Variants in PTPRG observed in about 807,000 individuals in gnomAD.
The protein encoded by PTPRG is receptor-type tyrosine-protein phosphatase gamma.
Under a neutral mutation model 165.3 loss-of-function variants are expected in PTPRG, and 102 were observed. The ratio of observed to expected loss-of-function variants is 0.62; its 90% CI spans 0.53 to 0.73. The LOEUF (loss-of-function observed/expected upper bound fraction) is 0.73. PTPRG is among the 30% of genes least tolerant of loss of function. PTPRG has a pLI of 0.00. For synonymous variants in PTPRG, 675 were observed against 669.5 expected (o/e 1.01, Z -0.13); for missense variants, 1,866 against 1,861.4 (o/e 1.00, Z -0.05).
At chr3:61,925,427 G>T (rs920328063) in intron 2 of PTPRG, among the ~76,000 whole-genome samples, 1 of 152,166 alleles carries the variant, frequency 6.6e-6, no homozygotes, top group Non-Finnish European at 1.5e-5. Context: ...ATCACCGGAA[G>T]CCCAGCAAAC....
chr3:62,038,135 A>C (rs1434646123), intron 4 of PTPRG, among the ~76,000 whole-genome samples: 2 of 152,210 alleles, frequency 1.3e-5, no homozygotes, highest in Non-Finnish European at 2.9e-5. Context: ...CTGACCTACT[A>C]AATAGGGATA....
chr3:61,667,785 T>C (rs1250386353), intron 1 of PTPRG, among the ~76,000 whole-genome samples: 2 of 146,420 alleles, frequency 1.4e-5, no homozygotes, highest in East Asian at 4.0e-4. Context: ...TAAACAAAAT[T>C]TTTTTAATTA....
At chr3:61,967,883 A>T (rs2107653777) in intron 2 of PTPRG, among the ~76,000 whole-genome samples, 1 of 152,352 alleles carries the variant, frequency 6.6e-6, no homozygotes, top group African/African-American at 2.4e-5. Context: ...GTGTATACAC[A>T]ACTGACTTCT....
At chr3:62,132,770 T>A in intron 6 of PTPRG, 102 bp downstream of exon 6, 1 of 1,045,610 alleles carries the variant, frequency 9.6e-7, no homozygotes, top group South Asian at 1.3e-5. Context: ...GTGACACCTA[T>A]TCCTCATCCC....
At chr3:61,843,350 T>G (rs1002302988) in intron 2 of PTPRG, among the ~76,000 whole-genome samples, 3 of 152,134 alleles carry the variant, frequency 2.0e-5, no homozygotes, top group Non-Finnish European at 2.9e-5. Context: ...ATATTGTATA[T>G]ATACACACAC....
chr3:61,675,557 A>C (rs1181429954), intron 1 of PTPRG, among the ~76,000 whole-genome samples: 1 of 152,068 alleles, frequency 6.6e-6, no homozygotes, highest in African/African-American at 2.4e-5. Context: ...TTTTCCCCCT[A>C]TTATGTATGT....
intron 2 of PTPRG, among the ~76,000 whole-genome samples, chr3:61,762,170 A>AGT: frequency 6.6e-6 from 1 of 152,008 alleles, no homozygotes. Context: ...CCTCTTGGGG[A>AGT]GTGATTTTGA....
intron 5 of PTPRG, among the ~76,000 whole-genome samples, chr3:62,088,007 G>T (rs140227813): frequency 2.6e-5 from 4 of 152,170 alleles, no homozygotes; most frequent in African/African-American, 9.7e-5. Flanking sequence ...AATAAATGCT[G>T]TGGTTATGTA....
intron 2 of PTPRG, among the ~76,000 whole-genome samples, chr3:61,816,940 C>A (rs2035780240): frequency 7.0e-6 from 1 of 142,952 alleles, no homozygotes; most frequent in Non-Finnish European, 1.5e-5. Flanking sequence ...TGCTATGAAG[C>A]TTTTTGGTAG....
intron 17 of PTPRG, among the ~76,000 whole-genome samples, chr3:62,266,561 G>T (rs563531906): frequency 1.3e-5 from 2 of 151,936 alleles, no homozygotes; most frequent in Admixed American, 1.3e-4. Context: ...AAGTTTGTCA[G>T]AACAACAAAA....
intron 1 of PTPRG, among the ~76,000 whole-genome samples, chr3:61,670,798 G>A (rs1383777666): frequency 6.6e-6 from 1 of 152,150 alleles, no homozygotes; most frequent in Non-Finnish European, 1.5e-5. Context: ...ATACTGCTTA[G>A]TTCTTTAAGA....
intron 6 of PTPRG, among the ~76,000 whole-genome samples, chr3:62,139,460 C>T (rs544977514): frequency 6.6e-6 from 1 of 152,000 alleles, no homozygotes; most frequent in Middle Eastern, 3.4e-3. Flanking sequence ...CTCTGTCCCC[C>T]CTTCCCCCAG....
rs552764311 is a variant in PTPRG, at chr3:62,269,266, T to G, written c.3009+97T>G. The G allele has an allele frequency of 1.5e-4, 197 of 1,289,426 alleles. No individual in the cohort carries two copies. In the African/African-American group the frequency reaches 2.7e-3, roughly 18 times the overall value. 79.9% of individuals were successfully genotyped at this position (1,289,426 alleles called of 1,614,324 possible). Reference sequence around the variant, plus strand: ...AGGCCAAATCTCATAACCAACTTGGTTTTTAAAAAGTATTTTTAAAACATT... The same window carrying G: ...AGGCCAAATCTCATAACCAACTTGGGTTTTAAAAAGTATTTTTAAAACATT... On this transcript the variant is annotated intron_variant, in intron 20 of 29. Transcript: ENST00000474889.
In PTPRG at chr3:62,210,066, C is replaced by A. The variant is rs1390280903; in HGVS notation, c.2155+6116C>A. Among the ~76,000 whole-genome samples the A allele has an allele frequency of 6.6e-6, 1 of 152,150 alleles. No individual in the cohort carries two copies. Among genetic ancestry groups the A allele is most frequent in the African/African-American group, 2.4e-5 (1 of 41,450 alleles). On this transcript the variant is annotated intron_variant, in intron 12 of 29. Coordinates refer to ENST00000474889, the MANE Select transcript of PTPRG (RefSeq NM_002841.4). This position sits in a 1 kb window ranked among gnomAD's most constrained non-coding sequence, Gnocchi z 4.1. The stretch of plus-strand genomic sequence containing the variant: ...ATTTATCAAATGCCTCCCCACTTTC[C>A]CACCACCTAATTGAAATAGAGATGA...
intron 1 of PTPRG, among the ~76,000 whole-genome samples, chr3:61,682,377 G>A (rs972013157): frequency 5.3e-5 from 8 of 152,276 alleles, no homozygotes; most frequent in Non-Finnish European, 2.9e-5. Context: ...AATGGTTGAG[G>A]AATAAATATG....
intron 8 of PTPRG, among the ~76,000 whole-genome samples, chr3:62,179,786 T>C (rs978588004): frequency 2.0e-5 from 3 of 152,176 alleles, no homozygotes; most frequent in African/African-American, 7.2e-5. Context: ...CAGTACCAGG[T>C]GTGGGAGGCC....
At chr3:61,965,478 A>G (rs1430013467) in intron 2 of PTPRG, among the ~76,000 whole-genome samples, 3 of 126,604 alleles carry the variant, frequency 2.4e-5, no homozygotes, top group Admixed American at 8.7e-5. Flanking sequence ...ACAGAGCAAG[A>G]CTCCGTCTCA....
At chr3:61,800,561 G>A (rs1221657348) in intron 2 of PTPRG, among the ~76,000 whole-genome samples, 1 of 152,034 alleles carries the variant, frequency 6.6e-6, no homozygotes, top group African/African-American at 2.4e-5. Flanking sequence ...CTCAGGATTA[G>A]TGTTTCAAGT....
At chr3:62,162,687 G>A (rs1704813926) in intron 7 of PTPRG, among the ~76,000 whole-genome samples, 1 of 152,222 alleles carries the variant, frequency 6.6e-6, no homozygotes, top group Admixed American at 6.5e-5. Context: ...GTGTGGAATG[G>A]CCTTGAGGTT....
Sources: gnomAD v4.1 joint callset for allele counts (sites outside exome capture counted in the v4.1 genomes callset) on GRCh38, gnomAD v4.1.1 for gene constraint, Gnocchi (gnomAD v3.1) non-coding constraint, MANE v1.5 for transcripts, NCBI Gene and HGNC (gene_info 2026-07-23, HGNC 2026-07-21) for gene names.